The following SPTBN1 variants were observed in gnomAD, a reference collection of about 807,000 sequenced individuals.
SPTBN1 encodes spectrin beta, non-erythrocytic 1, also known as spectrin beta chain, non-erythrocytic 1.
In SPTBN1, 32 loss-of-function variants were observed where a neutral mutation model predicts 266.4. The ratio of observed to expected loss-of-function variants is 0.12; its 90% CI spans 0.09 to 0.16. The LOEUF (loss-of-function observed/expected upper bound fraction) is 0.16, where lower values mean the gene tolerates loss of function less well. SPTBN1 is among the 10% of genes least tolerant of loss of function. SPTBN1 has a pLI of 1.00. For missense variants in SPTBN1, 2,296 were observed against 3,067.1 expected (o/e 0.75, Z 5.94); for synonymous variants, 1,336 against 1,162.2 (o/e 1.15, Z -3.04).
intron 3 of SPTBN1, among the ~76,000 whole-genome samples, chr2:54,610,885 A>G (rs924083190): frequency 1.3e-5 from 2 of 152,226 alleles, no homozygotes; most frequent in African/African-American, 4.8e-5. Context: ...ACTGTGAGAG[A>G]TGGCTTTTTA....
intron 2 of SPTBN1, among the ~76,000 whole-genome samples, chr2:54,534,872 T>A (rs1257561656): frequency 6.6e-6 from 1 of 152,186 alleles, no homozygotes; most frequent in Non-Finnish European, 1.5e-5. Flanking sequence ...CCAGCCCCTA[T>A]TCCTGCACCT....
intron 2 of SPTBN1, among the ~76,000 whole-genome samples, chr2:54,596,450 C>T (rs1189751742): frequency 6.6e-6 from 1 of 152,194 alleles, no homozygotes; most frequent in Non-Finnish European, 1.5e-5. Flanking sequence ...TTGTGTGTCT[C>T]TGTTGAGTCC....
At chr2:54,532,263 C>T (rs191154453) in intron 2 of SPTBN1, among the ~76,000 whole-genome samples, 4 of 152,000 alleles carry the variant, frequency 2.6e-5, no homozygotes, top group African/African-American at 4.8e-5. Flanking sequence ...CACTCCAGCC[C>T]GGGCGACAGT....
At position 54,554,274 on chromosome 2, in the gene SPTBN1, T is replaced by G. The variant is rs1212782852; in HGVS notation, c.148+27708T>G. Reference sequence around the variant, plus strand: ...GGGGAGCACGCTGACTTGGTGGATCTGGGGTCCATGTGTTGGTTGTGCCAC... The same window carrying G: ...GGGGAGCACGCTGACTTGGTGGATCGGGGGTCCATGTGTTGGTTGTGCCAC... On this transcript the variant is annotated intron_variant, in intron 2 of 35. Coordinates refer to ENST00000356805, the MANE Select transcript of SPTBN1 (RefSeq NM_003128.3). This position sits in a 1 kb window ranked among gnomAD's most constrained non-coding sequence, Gnocchi z 4.5. Among the ~76,000 whole-genome samples the G allele has an allele frequency of 1.3e-5, 2 of 152,222 alleles. No homozygotes were observed. The highest frequency in any genetic ancestry group is 4.8e-5 in the African/African-American group (2 of 41,458).
At chr2:54,464,394 A>G (rs1008317450) in intron 1 of SPTBN1, among the ~76,000 whole-genome samples, 1 of 152,212 alleles carries the variant, frequency 6.6e-6, no homozygotes, top group African/African-American at 2.4e-5. Context: ...CCGGTAATAC[A>G]GGGGTTAGTG....
chr2:54,463,015 C>T (rs1277760969), intron 1 of SPTBN1, among the ~76,000 whole-genome samples: 1 of 152,214 alleles, frequency 6.6e-6, no homozygotes, highest in African/African-American at 2.4e-5. Flanking sequence ...ACTTGAGAAA[C>T]TCATCACCTT....
intron 34 of SPTBN1, among the ~76,000 whole-genome samples, chr2:54,666,639 G>A (rs552571756): frequency 1.3e-5 from 2 of 152,280 alleles, no homozygotes; most frequent in African/African-American, 2.4e-5. Context: ...TAGGATACAT[G>A]TATCTCCCTA....
At chr2:54,524,212 T>C (rs1437228702) in intron 1 of SPTBN1, among the ~76,000 whole-genome samples, 1 of 151,918 alleles carries the variant, frequency 6.6e-6, no homozygotes, top group Non-Finnish European at 1.5e-5. Flanking sequence ...AAAAAAAATG[T>C]TGATAATTTA....
intron 1 of SPTBN1, among the ~76,000 whole-genome samples, chr2:54,467,611 C>T (rs1419972139): frequency 1.3e-5 from 2 of 152,190 alleles, no homozygotes; most frequent in African/African-American, 2.4e-5. Flanking sequence ...TCTCGAACTC[C>T]TGACCTCAAG....
intron 2 of SPTBN1, among the ~76,000 whole-genome samples, chr2:54,565,165 C>T (rs963802004): frequency 3.9e-5 from 6 of 152,188 alleles, no homozygotes; most frequent in Non-Finnish European, 7.3e-5. Flanking sequence ...GGTTCTGGTG[C>T]ACACTAAAAT....
chr2:54,544,955 T>C (rs1672152103), intron 2 of SPTBN1, among the ~76,000 whole-genome samples: 1 of 151,958 alleles, frequency 6.6e-6, no homozygotes. Flanking sequence ...GGCCCCAGGG[T>C]GTGATGTTCC....
chr2:54,510,517 C>T (rs1330145329), intron 1 of SPTBN1, among the ~76,000 whole-genome samples: 1 of 152,256 alleles, frequency 6.6e-6, no homozygotes, highest in Non-Finnish European at 1.5e-5. Flanking sequence ...TTAGTTCCCT[C>T]TAAATGTTCC....
At chr2:54,565,816 A>G (rs1487797615) in intron 2 of SPTBN1, among the ~76,000 whole-genome samples, 2 of 152,220 alleles carry the variant, frequency 1.3e-5, no homozygotes, top group Non-Finnish European at 2.9e-5. Flanking sequence ...AATGTGAAGG[A>G]TGGCTGTTGT....
intron 3 of SPTBN1, among the ~76,000 whole-genome samples, chr2:54,606,306 G>T (rs1400020136): frequency 6.6e-6 from 1 of 151,682 alleles, no homozygotes; most frequent in Non-Finnish European, 1.5e-5. Flanking sequence ...CCACACTGTC[G>T]CCTCCACCCT....
chr2:54,602,568 C>T (rs1278046744), intron 3 of SPTBN1, among the ~76,000 whole-genome samples: 1 of 152,140 alleles, frequency 6.6e-6, no homozygotes, highest in Non-Finnish European at 1.5e-5. Flanking sequence ...CGCCTCTGAC[C>T]GAGATAGAGT....
chr2:54,564,480 G>C (rs75857274), intron 2 of SPTBN1, among the ~76,000 whole-genome samples: 5,519 of 152,216 alleles, frequency 0.036, 327 homozygotes, highest in African/African-American at 0.12. Flanking sequence ...TCTCCCCACA[G>C]CAGGGCCCTG....
Position 54,645,495 on chromosome 2 carries a change from C to CCCT in SPTBN1, c.4494+43_4494+45dup, listed in dbSNP as rs774617086. The CCCT allele has an allele frequency of 1.3e-6, 2 of 1,595,176 alleles. No homozygotes were observed. Among genetic ancestry groups the CCCT allele is most frequent in the Non-Finnish European group, 1.7e-6 (2 of 1,167,262 alleles). On this transcript the variant is annotated intron_variant, in intron 21 of 35. Transcript: ENST00000356805. The surrounding 1 kb of genome is among the most constrained non-coding windows in gnomAD (Gnocchi z 4.3). ...TGCACACATGGCTTTTCCACGAGCC[C>CCCT]CCTTGCCTGTGCTAAAGCCCACATT... is the stretch of plus-strand genomic sequence containing the variant.
Position 54,607,090 on chromosome 2 carries a change from G to A in SPTBN1, c.301-5071G>A, listed in dbSNP as rs533432894. Among the ~76,000 whole-genome samples the A allele has an allele frequency of 2.8e-4, 43 of 152,306 alleles. 1 individual carries two copies. In the South Asian group the frequency reaches 8.5e-3, roughly 30 times the overall value. On this transcript the variant is annotated intron_variant, in intron 3 of 35. Coordinates refer to ENST00000356805, the MANE Select transcript of SPTBN1 (RefSeq NM_003128.3). The stretch of plus-strand genomic sequence containing the variant: ...CCTCTTTCTTTTTTTGGGGTAAGGA[G>A]GATATCACATTAATGTGAAAAGCTT...
intron 2 of SPTBN1, among the ~76,000 whole-genome samples, chr2:54,551,297 A>G (rs112771643): frequency 0.011 from 1,629 of 152,318 alleles, 32 homozygotes; most frequent in African/African-American, 0.036. Flanking sequence ...CCTCAACTGC[A>G]TTCCTCAGAT....
Sources: allele counts gnomAD v4.1 joint callset (sites outside exome capture counted in the v4.1 genomes callset), GRCh38; gene constraint gnomAD v4.1.1; non-coding constraint Gnocchi (gnomAD v3.1); transcripts MANE v1.5; gene names NCBI Gene and HGNC (gene_info 2026-07-23, HGNC 2026-07-21).